Variants in TCP10L observed in about 807,000 individuals in gnomAD.
TCP10L encodes t-complex 10 like, also known as T-complex protein 10A homolog 1.
A neutral mutation model predicts 19.2 loss-of-function variants in TCP10L; 11 were observed. That is an observed-to-expected ratio of 0.57 (90% CI 0.36 to 0.95). The LOEUF is 0.95. Ranked by LOEUF, TCP10L falls within the 40% of genes least tolerant of loss-of-function variation. TCP10L has a pLI of 0.01. For missense variants in TCP10L, 247 were observed against 263.9 expected (o/e 0.94, Z 0.44); for synonymous variants, 96 against 97.2 (o/e 0.99, Z 0.07).
At chr21:32,577,099 G>C (rs548268555) in intron 4 of TCP10L, among the ~76,000 whole-genome samples, 176 bp from the exon 5 acceptor site, 1 of 152,232 alleles carries the variant, frequency 6.6e-6, no homozygotes, top group African/African-American at 2.4e-5. Context: ...TACAGCCCAC[G>C]CTCTTGTGAA....
Position 32,578,697 on chromosome 21 carries a change from TGG to T in TCP10L, c.493_494del (p.Pro165LysfsTer11). 3 of 1,613,776 alleles carry T rather than the reference TGG, an allele frequency of 1.9e-6. No individual in the cohort carries two copies. Among genetic ancestry groups the T allele is most frequent in the Non-Finnish European group, 2.5e-6 (3 of 1,179,922 alleles). On this transcript the variant is annotated frameshift_variant, in exon 4 of 5. Coordinates refer to ENST00000300258, the MANE Select transcript of TCP10L (RefSeq NM_144659.7). LOFTEE classifies it low-confidence loss of function (END_TRUNC). This position sits in a 1 kb window ranked among gnomAD's most constrained non-coding sequence, Gnocchi z 4.2. Reference protein sequence around the residue: ...QRSSSNNSAPPKPMSLKIERI... With the variant: ...QRSSSNNSAPXKPMSLKIERI... Reference sequence around the variant, plus strand: ...GATGATAAGCACAAAGGGTCACCTTTGGAGGAGCTGAATTGTTAGATGACGAT... The same window carrying T: ...GATGATAAGCACAAAGGGTCACCTTTAGGAGCTGAATTGTTAGATGACGAT...
rs779044265 is a variant in TCP10L at position 32,578,528 on chromosome 21, T to A, written c.498+166A>T. On this transcript the variant is annotated intron_variant, in intron 4 of 4. Transcript: ENST00000300258. This position sits in a 1 kb window ranked among gnomAD's most constrained non-coding sequence, Gnocchi z 4.2. ...CAGCAAGAAGTGCTAAGGGTTAGGA[T>A]CTTGTTTGAAAGGCATGTACCCGTG... is the stretch of plus-strand genomic sequence containing the variant. Among the ~76,000 whole-genome samples the A allele has an allele frequency of 1.3e-5, 2 of 152,176 alleles. No individual in the cohort carries two copies. The highest frequency in any genetic ancestry group is 2.9e-5 in the Non-Finnish European group (2 of 68,022).
intron 2 of TCP10L, among the ~76,000 whole-genome samples, chr21:32,583,327 C>T (rs1252488021): frequency 5.3e-5 from 8 of 152,024 alleles, no homozygotes; most frequent in African/African-American, 9.6e-5. Flanking sequence ...CGGTGGCTCA[C>T]GCCTGTAATC....
chr21:32,576,807 T>C lies in TCP10L; in HGVS notation c.615A>G (p.Pro205=). 6.2e-7 allele frequency: 1 copy of C among 1,614,112 alleles called. No individual in the cohort carries two copies. The highest frequency in any genetic ancestry group is 8.5e-7 in the Non-Finnish European group (1 of 1,180,014). The change falls in exon 5 of 5, where the codon CCA becomes CCG. Residue 205 remains proline (P), a synonymous_variant. Transcript: ENST00000300258. The part of the protein sequence containing the change: ...QDRRATPTGR[P]TPCAERRGGV ...CCCCCCGTCTCTCTGCACAGGGAGTTGGCCTTCCAGTAGGTGTTGCTCTTC... is the reference window on the plus strand; with the variant it reads ...CCCCCCGTCTCTCTGCACAGGGAGTCGGCCTTCCAGTAGGTGTTGCTCTTC...
rs1184797367 is a variant in TCP10L at position 32,584,406 on chromosome 21, C to T, written c.-1-101G>A. On this transcript the variant is annotated intron_variant, in intron 1 of 4. Transcript: ENST00000300258. The stretch of plus-strand genomic sequence containing the variant: ...AGCCCCAAACTAAGGGTGAGCAGGA[C>T]CCGCAGCCGCTCCTTCTCCCCCTGG... 2.1e-6 allele frequency: 3 copies of T among 1,451,064 alleles called. No individual in the cohort carries two copies. In the African/African-American group the frequency reaches 4.3e-5, roughly 21 times the overall value. The allele number at this position is 1,451,064 out of a possible 1,614,324, so 89.9% of individuals were successfully genotyped here. A position where few individuals can be genotyped will look rare whatever the true frequency, so the allele number is the denominator to read the frequency against.
chr21:32,580,166 C>T (rs143548363), intron 3 of TCP10L, among the ~76,000 whole-genome samples: 26 of 152,134 alleles, frequency 1.7e-4, no homozygotes, highest in Non-Finnish European at 3.4e-4. Context: ...AGTGCAGTGG[C>T]GCGATCTCGG....
chr21:32,582,120 G>A lies in TCP10L; in HGVS notation c.360+80C>T. ...AGCGTGAGTGATACCGCGTCATTCA[G>A]CAATAAAGCCCACATCTTTATGGGG... is the stretch of plus-strand genomic sequence containing the variant. On this transcript the variant is annotated intron_variant, in intron 3 of 4. Transcript: ENST00000300258. This position sits in a 1 kb window ranked among gnomAD's most constrained non-coding sequence, Gnocchi z 4.2. The A allele has an allele frequency of 6.7e-7, 1 of 1,491,992 alleles. No homozygotes were observed. The highest frequency in any genetic ancestry group is 9.2e-7 in the Non-Finnish European group (1 of 1,087,726). The allele number at this position is 1,491,992 out of a possible 1,614,324, so 92.4% of individuals were successfully genotyped here. A position where few individuals can be genotyped will look rare whatever the true frequency, so the allele number is the denominator to read the frequency against.
At position 32,578,594 on chromosome 21, in the gene TCP10L, C is replaced by A. The variant is rs868376265; in HGVS notation, c.498+100G>T. On this transcript the variant is annotated intron_variant, in intron 4 of 4. Coordinates refer to ENST00000300258, the MANE Select transcript of TCP10L (RefSeq NM_144659.7). This position sits in a 1 kb window ranked among gnomAD's most constrained non-coding sequence, Gnocchi z 4.2. ...AGGACTCCAGGGAGCACCATGCTCA[C>A]CCAGGGAGGTGAAATTGTGTGGTGA... 1.3e-5 allele frequency: 20 copies of A among 1,524,272 alleles called. No individual in the cohort carries two copies. The Middle Eastern group carries it at 3.0e-3, about 229-fold the overall frequency. The allele number at this position is 1,524,272 out of a possible 1,614,324, so 94.4% of individuals were successfully genotyped here.
Position 32,579,186 on chromosome 21 carries a change from C to A in TCP10L, c.361-355G>T, listed in dbSNP as rs559593003. On this transcript the variant is annotated intron_variant, in intron 3 of 4. Transcript: ENST00000300258. ...AACGGAGGAAGAAAATGTGATACTACTTCTAGTGTTGTCTCTACAACTTGT... is the reference window on the plus strand; with the variant it reads ...AACGGAGGAAGAAAATGTGATACTAATTCTAGTGTTGTCTCTACAACTTGT... Among the ~76,000 whole-genome samples the A allele has an allele frequency of 2.0e-5, 3 of 152,322 alleles. No individual in the cohort carries two copies. The South Asian group carries it at 6.2e-4, about 32-fold the overall frequency.
rs577297830 is a variant in TCP10L, at chr21:32,576,269, C to A, written c.*505G>T. 73 of 1,576,172 alleles carry A rather than the reference C, an allele frequency of 4.6e-5. No individual in the cohort carries two copies. The East Asian group carries it at 1.5e-3, about 33-fold the overall frequency. On this transcript the variant is annotated 3_prime_UTR_variant, in exon 5 of 5. Coordinates refer to ENST00000300258, the MANE Select transcript of TCP10L (RefSeq NM_144659.7). ...AGCATGGCGGCCTGGGAAGCCTGCA[C>A]TGGTGATTTTCTGCCACTCAAGTTT...
At chr21:32,581,645 C>T (rs527921991) in intron 3 of TCP10L, among the ~76,000 whole-genome samples, 9 of 152,290 alleles carry the variant, frequency 5.9e-5, no homozygotes, top group African/African-American at 1.9e-4. Flanking sequence ...ACCCCCATCG[C>T]ACACCCTGCG....
Position 32,576,865 on chromosome 21 carries a change from C to A in TCP10L, c.557G>T (p.Arg186Ile), listed in dbSNP as rs1460278325. 2 of 1,614,184 alleles carry A rather than the reference C, an allele frequency of 1.2e-6. No homozygotes were observed. The highest frequency in any genetic ancestry group is 2.2e-5 in the East Asian group (1 of 44,882). Residue 186 changes from arginine (R) to isoleucine (I), a missense_variant, in exon 5 of 5, where the codon AGA (arginine) becomes ATA (isoleucine). Transcript: ENST00000300258. Reference protein sequence around the residue: ...SSWKTPPQENRDKNLSRRRQD... With the variant: ...SSWKTPPQENIDKNLSRRRQD... ...ACGTCTCCTGGAAAGATTTTTATCT[C>A]TATTTTCCTGTGGTGGTGTTTTCCA...
At chr21:32,584,366 T>C in intron 1 of TCP10L, 61 bp from the exon 2 acceptor site, 2 of 1,556,310 alleles carry the variant, frequency 1.3e-6, no homozygotes, top group Non-Finnish European at 1.7e-6. Context: ...CCCGTCAGTG[T>C]GGGCTGAAGG....
At chr21:32,585,393 GC>G in intron 1 of TCP10L, 27 bp downstream of exon 1, 1 of 173,188 alleles carries the variant, frequency 5.8e-6, no homozygotes, top group South Asian at 1.1e-4. Flanking sequence ...CTTTCCTTCA[GC>G]CCCACCACCA....
At chr21:32,577,371 C>T (rs2038447137) in intron 4 of TCP10L, 1 of 157,234 alleles carries the variant, frequency 6.4e-6, no homozygotes, top group Admixed American at 6.4e-5. Flanking sequence ...GTGCAGTCCA[C>T]CCTGGGACTT....
chr21:32,582,437 C>T lies in TCP10L; in HGVS notation c.145-22G>A. ...ATGGCTGTTATTGGGAAGAGAACAC[C>T]AGAAAAACCTCTCAGATGTCACAAT... On this transcript the variant is annotated intron_variant, in intron 2 of 4. Coordinates refer to ENST00000300258, the MANE Select transcript of TCP10L (RefSeq NM_144659.7). This position sits in a 1 kb window ranked among gnomAD's most constrained non-coding sequence, Gnocchi z 4.2. The T allele has an allele frequency of 6.3e-7, 1 of 1,599,740 alleles. No homozygotes were observed. Among genetic ancestry groups the T allele is most frequent in the East Asian group, 2.2e-5 (1 of 44,792 alleles).
chr21:32,580,723 T>G (rs997491178), intron 3 of TCP10L, among the ~76,000 whole-genome samples: 1 of 152,206 alleles, frequency 6.6e-6, no homozygotes. Context: ...TAGATCCATA[T>G]GCAGGAAACA....
intron 4 of TCP10L, 148 bp from the exon 5 acceptor site, chr21:32,577,071 GT>G: frequency 1.2e-6 from 1 of 809,862 alleles, no homozygotes; most frequent in South Asian, 2.1e-5. Context: ...CACACTTAGT[GT>G]CTCTCATTCC....
At position 32,576,179 on chromosome 21, in the gene TCP10L, A is replaced by G; in HGVS notation, c.*595T>C. Reference sequence around the variant, plus strand: ...CGAGAAAGCCCCGCATTTCACGGGGAGCATAGAAACAGGAGTCCCCAACTC... The same window carrying G: ...CGAGAAAGCCCCGCATTTCACGGGGGGCATAGAAACAGGAGTCCCCAACTC... On this transcript the variant is annotated 3_prime_UTR_variant, in exon 5 of 5. Coordinates refer to ENST00000300258, the MANE Select transcript of TCP10L (RefSeq NM_144659.7). 1 of 1,209,106 alleles carries G rather than the reference A, an allele frequency of 8.3e-7. No individual in the cohort carries two copies. Among genetic ancestry groups the G allele is most frequent in the Non-Finnish European group, 1.2e-6 (1 of 853,958 alleles). 74.9% of individuals were successfully genotyped at this position (1,209,106 alleles called of 1,614,324 possible). A position where few individuals can be genotyped will look rare whatever the true frequency, so the allele number is the denominator to read the frequency against.
Sources: allele counts gnomAD v4.1 joint callset (sites outside exome capture counted in the v4.1 genomes callset), GRCh38; gene constraint gnomAD v4.1.1; non-coding constraint Gnocchi (gnomAD v3.1); transcripts MANE v1.5; gene names NCBI Gene and HGNC (gene_info 2026-07-23, HGNC 2026-07-21).